The following MYOCD variants were observed in gnomAD, a reference collection of about 807,000 sequenced individuals.
The protein encoded by MYOCD is myocardin.
Under a neutral mutation model 96.1 loss-of-function variants are expected in MYOCD, and 32 were observed. The ratio of observed to expected loss-of-function variants is 0.33; its 90% CI spans 0.25 to 0.45. MYOCD has a LOEUF of 0.45. Among genes scored for constraint, MYOCD ranks in the 20% least tolerant of loss-of-function variants. MYOCD has a pLI of 1.00. For synonymous variants in MYOCD, 469 were observed against 469.0 expected (o/e 1.00, Z 0.00); for missense variants, 1,133 against 1,200.6 (o/e 0.94, Z 0.83).
intron 5 of MYOCD, among the ~76,000 whole-genome samples, chr17:12,735,137 C>T (rs1037775269): frequency 1.3e-5 from 2 of 152,234 alleles, no homozygotes; most frequent in African/African-American, 2.4e-5. Context: ...GCGGTGAGAG[C>T]TCCTTTCTCT....
At chr17:12,754,707 TAAGTC>T (rs2032964165) in intron 10 of MYOCD, among the ~76,000 whole-genome samples, 1 of 152,234 alleles carries the variant, frequency 6.6e-6, no homozygotes, top group African/African-American at 2.4e-5. Flanking sequence ...AAAGCCTATG[TAAGTC>T]AAGTTGAGAA....
intron 12 of MYOCD, among the ~76,000 whole-genome samples, chr17:12,759,306 C>A (rs960416119): frequency 6.6e-6 from 1 of 152,168 alleles, no homozygotes; most frequent in South Asian, 2.1e-4. Flanking sequence ...GAGGATCTGG[C>A]AAACCAGGAG....
intron 5 of MYOCD, among the ~76,000 whole-genome samples, chr17:12,731,738 T>C (rs1278008767): frequency 6.6e-6 from 1 of 152,064 alleles, no homozygotes; most frequent in Non-Finnish European, 1.5e-5. Context: ...AAAAGCAAAC[T>C]CAAATGCGTC....
intron 9 of MYOCD, among the ~76,000 whole-genome samples, chr17:12,750,470 T>C (rs533224818): frequency 5.3e-5 from 8 of 152,118 alleles, no homozygotes; most frequent in African/African-American, 1.4e-4. Flanking sequence ...GAGTGGATCA[T>C]CTAAGGTCAG....
chr17:12,752,755 C>T lies in MYOCD; in HGVS notation c.1467C>T (p.Val489=). The T allele has an allele frequency of 1.9e-6, 3 of 1,614,134 alleles. No homozygotes were observed. Among genetic ancestry groups the T allele is most frequent in the Admixed American group, 3.3e-5 (2 of 60,010 alleles). Residue 489 remains valine, a synonymous_variant, in exon 10 of 14, where the codon GTC becomes GTT. Coordinates refer to ENST00000425538, the MANE Select transcript of MYOCD (RefSeq NM_001146312.3). ...SPSFGLHPSP[V]HVCTEESLMS... Reference sequence around the variant, plus strand: ...CCTTCGGCCTGCACCCGTCCCCAGTCCACGTGTGCACGGAGGAAAGTCTCA... The same window carrying T: ...CCTTCGGCCTGCACCCGTCCCCAGTTCACGTGTGCACGGAGGAAAGTCTCA...
intron 13 of MYOCD, 28 bp downstream of exon 13, chr17:12,760,735 G>C (rs2033146446): frequency 8.1e-6 from 13 of 1,597,292 alleles, no homozygotes; most frequent in Non-Finnish European, 1.1e-5. Flanking sequence ...CTGTCCATTA[G>C]GACATTCTGA....
At chr17:12,667,909 C>T (rs532560835) in intron 1 of MYOCD, among the ~76,000 whole-genome samples, 1 of 151,544 alleles carries the variant, frequency 6.6e-6, no homozygotes, top group Non-Finnish European at 1.5e-5. Context: ...AAGGTAGCTT[C>T]GGGAAAACAT....
intron 7 of MYOCD, among the ~76,000 whole-genome samples, chr17:12,739,772 G>A (rs532144180): frequency 6.6e-6 from 1 of 152,272 alleles, no homozygotes; most frequent in Admixed American, 6.5e-5. Flanking sequence ...AAATAACCAC[G>A]GGGTTTCATT....
At chr17:12,688,524 A>C (rs1233293446) in intron 1 of MYOCD, among the ~76,000 whole-genome samples, 19 of 87,204 alleles carry the variant, frequency 2.2e-4, no homozygotes, top group East Asian at 6.8e-4. Context: ...CCTCCCTTCC[A>C]TCTTCTTCCT....
At chr17:12,702,389 G>T (rs1449972407) in intron 1 of MYOCD, among the ~76,000 whole-genome samples, 2 of 151,664 alleles carry the variant, frequency 1.3e-5, no homozygotes, top group African/African-American at 4.8e-5. Flanking sequence ...TGTCTGTATG[G>T]TATACCTTTT....
chr17:12,667,863 T>G (rs1321524884), intron 1 of MYOCD, among the ~76,000 whole-genome samples: 1 of 152,170 alleles, frequency 6.6e-6, no homozygotes, highest in Non-Finnish European at 1.5e-5. Flanking sequence ...CAGCCTCACT[T>G]TTTTTAAAGT....
intron 5 of MYOCD, among the ~76,000 whole-genome samples, chr17:12,734,183 A>T (rs2032268776): frequency 6.6e-6 from 1 of 152,004 alleles, no homozygotes; most frequent in Non-Finnish European, 1.5e-5. Flanking sequence ...GTGTGGAGAG[A>T]GGAGGAGTCT....
chr17:12,751,953 G>A (rs2032863239), intron 9 of MYOCD, among the ~76,000 whole-genome samples: 2 of 152,160 alleles, frequency 1.3e-5, no homozygotes, highest in South Asian at 4.1e-4. Flanking sequence ...CCCTCCAGTG[G>A]TTCTGGCGCA....
At chr17:12,747,539 C>T (rs1015255329) in intron 9 of MYOCD, among the ~76,000 whole-genome samples, 3 of 151,954 alleles carry the variant, frequency 2.0e-5, no homozygotes, top group Non-Finnish European at 4.4e-5. Context: ...ATTTCAGACT[C>T]ATGTGCGACG....
At chr17:12,679,645 G>A (rs1910331265) in intron 1 of MYOCD, among the ~76,000 whole-genome samples, 1 of 152,164 alleles carries the variant, frequency 6.6e-6, no homozygotes, top group East Asian at 1.9e-4. Flanking sequence ...GCTCTTTGCA[G>A]TGGTATATGT....
At chr17:12,669,924 G>C (rs1199959169) in intron 1 of MYOCD, among the ~76,000 whole-genome samples, 39 of 151,950 alleles carry the variant, frequency 2.6e-4, no homozygotes, top group Admixed American at 2.6e-3. Flanking sequence ...AGATTCTCTG[G>C]GTCCCCAAGG....
chr17:12,734,625 C>T (rs1184420133), intron 5 of MYOCD, among the ~76,000 whole-genome samples: 7 of 150,200 alleles, frequency 4.7e-5, no homozygotes, highest in Non-Finnish European at 8.8e-5. Flanking sequence ...ATTCTCCTGC[C>T]TCAGCCTCCG....
At chr17:12,749,712 T>TATATATATAC (rs1206247983) in intron 9 of MYOCD, among the ~76,000 whole-genome samples, 5 of 143,192 alleles carry the variant, frequency 3.5e-5, no homozygotes, top group African/African-American at 1.1e-4. Flanking sequence ...CATATGTGTA[T>TATATATATAC]ATATATGTGT....
intron 1 of MYOCD, among the ~76,000 whole-genome samples, chr17:12,701,588 A>G (rs1254715503): frequency 1.3e-5 from 2 of 152,044 alleles, no homozygotes; most frequent in African/African-American, 4.8e-5. Context: ...TACTATGAGC[A>G]TACTTCTTTT....
Sources: gnomAD v4.1 joint callset for allele counts (sites outside exome capture counted in the v4.1 genomes callset) on GRCh38, gnomAD v4.1.1 for gene constraint, MANE v1.5 for transcripts, NCBI Gene and HGNC (gene_info 2026-07-23, HGNC 2026-07-21) for gene names.